Variants in UIMC1 observed in about 807,000 individuals in gnomAD.
UIMC1 encodes ubiquitin interaction motif containing 1, also known as BRCA1-A complex subunit RAP80.
In UIMC1, 42 loss-of-function variants were observed where a neutral mutation model predicts 84.9. The observed-to-expected ratio is 0.49, with a 90% CI of 0.39 to 0.64. The LOEUF (loss-of-function observed/expected upper bound fraction) is 0.64, where lower values mean the gene tolerates loss of function less well. UIMC1 is among the 30% of genes least tolerant of loss of function. The probability of loss-of-function intolerance (pLI) is 0.00; values close to 1 mark genes in which losing one functional copy is unlikely to be tolerated. For missense variants in UIMC1, 825 were observed against 847.6 expected, an observed-to-expected ratio of 0.97 and a Z score of 0.33; for synonymous variants, 281 against 293.0, an observed-to-expected ratio of 0.96 and a Z score of 0.42.
At chr5:176,931,249 T>C (rs1165740992) in intron 10 of UIMC1, among the ~76,000 whole-genome samples, 1 of 152,212 alleles carries the variant, frequency 6.6e-6, no homozygotes, top group African/African-American at 2.4e-5. Flanking sequence ...CTTGAACTTT[T>C]ATCTTTCTCG....
At position 177,018,355 on chromosome 5, in the gene UIMC1, A is replaced by AAAAAAAAAG. The variant is rs547542500; in HGVS notation, c.-9+4108_-9+4109insCTTTTTTTT. On this transcript the variant is annotated intron_variant, in intron 1 of 5. Transcript: ENST00000509236. ...ACAGAGTGAGACTCTGTCTCAAAAA[A>AAAAAAAAAG]AAAAGAAAAGAAAGAAAAACTAGAG... is the stretch of plus-strand genomic sequence containing the variant. Among the ~76,000 whole-genome samples the AAAAAAAAAG allele has an allele frequency of 8.2e-4, 124 of 151,990 alleles. 1 individual carries two copies. Among genetic ancestry groups the AAAAAAAAAG allele is most frequent in the African/African-American group, 2.1e-3 (85 of 41,452 alleles).
At chr5:176,947,557 G>A (rs960832835) in intron 9 of UIMC1, among the ~76,000 whole-genome samples, 5 of 152,084 alleles carry the variant, frequency 3.3e-5, no homozygotes, top group African/African-American at 7.2e-5. Flanking sequence ...GGTGGCTCAC[G>A]CCTGTAATCC....
At chr5:176,943,204 GA>G in intron 10 of UIMC1, 130 bp downstream of exon 10, 1 of 1,206,044 alleles carries the variant, frequency 8.3e-7, no homozygotes, top group South Asian at 1.9e-5. Flanking sequence ...TAACTAGATA[GA>G]AAAAACCCAA....
chr5:176,982,792 C>G (rs768230173), intron 1 of UIMC1, among the ~76,000 whole-genome samples, 169 bp from the exon 2 acceptor site: 3 of 152,306 alleles, frequency 2.0e-5, no homozygotes, highest in Non-Finnish European at 4.4e-5. Context: ...CGCTGCCTCC[C>G]AGGTTCAAGC....
At chr5:176,986,677 C>CA (rs1428700527) in intron 1 of UIMC1, among the ~76,000 whole-genome samples, 6 of 151,808 alleles carry the variant, frequency 4.0e-5, no homozygotes, top group Non-Finnish European at 8.8e-5. Flanking sequence ...CCTGTCTCTA[C>CA]AAAAAATTAA....
At chr5:176,979,225 T>C (rs1770631180) in intron 2 of UIMC1, among the ~76,000 whole-genome samples, 4 of 152,172 alleles carry the variant, frequency 2.6e-5, no homozygotes, top group Admixed American at 2.6e-4. Flanking sequence ...CAATACTTAG[T>C]TTTTCAAAAT....
intron 1 of UIMC1, among the ~76,000 whole-genome samples, chr5:177,017,164 C>G (rs1461782662): frequency 6.6e-6 from 1 of 152,236 alleles, no homozygotes; most frequent in Non-Finnish European, 1.5e-5. Flanking sequence ...AAGAGCACCC[C>G]TTCTGTTCTG....
chr5:176,956,376 T>C (rs1160584593), intron 7 of UIMC1, among the ~76,000 whole-genome samples: 1 of 152,240 alleles, frequency 6.6e-6, no homozygotes, highest in Non-Finnish European at 1.5e-5. Flanking sequence ...AGGTGTTTTA[T>C]AGCCTCCATC....
At chr5:176,997,871 T>C (rs1400124556) in intron 1 of UIMC1, among the ~76,000 whole-genome samples, 2 of 152,100 alleles carry the variant, frequency 1.3e-5, no homozygotes, top group African/African-American at 2.4e-5. Context: ...ATGAGGCCTC[T>C]ATACTTGCTT....
At chr5:176,956,493 C>A (rs1156882200) in intron 7 of UIMC1, among the ~76,000 whole-genome samples, 1 of 152,216 alleles carries the variant, frequency 6.6e-6, no homozygotes, top group African/African-American at 2.4e-5. Context: ...CTCTTTATCT[C>A]AAGATGTTGC....
intron 10 of UIMC1, among the ~76,000 whole-genome samples, chr5:176,933,265 CGAA>C (rs1327671675): frequency 1.3e-5 from 2 of 152,054 alleles, no homozygotes; most frequent in Non-Finnish European, 2.9e-5. Context: ...AATTCTTCTT[CGAA>C]GAAGAAATAT....
chr5:176,985,488 A>G (rs1348875442), intron 1 of UIMC1, among the ~76,000 whole-genome samples: 1 of 151,984 alleles, frequency 6.6e-6, no homozygotes, highest in Non-Finnish European at 1.5e-5. Flanking sequence ...ATATAAATAT[A>G]CAAATCTCAT....
chr5:176,916,688 T>A (rs1211500207), intron 10 of UIMC1, among the ~76,000 whole-genome samples: 2 of 152,222 alleles, frequency 1.3e-5, no homozygotes, highest in Admixed American at 6.5e-5. Flanking sequence ...TTATATAATT[T>A]TCATTATTCT....
intron 3 of UIMC1, among the ~76,000 whole-genome samples, chr5:176,971,391 G>A (rs950865400): frequency 6.6e-6 from 1 of 152,104 alleles, no homozygotes; most frequent in African/African-American, 2.4e-5. Flanking sequence ...AAATGGCTGG[G>A]TCCCAAGTCC....
At chr5:176,932,474 G>A (rs895368449) in intron 10 of UIMC1, among the ~76,000 whole-genome samples, 2 of 152,038 alleles carry the variant, frequency 1.3e-5, no homozygotes, top group Non-Finnish European at 2.9e-5. Flanking sequence ...GTAATACGGG[G>A]GGGCGGCAAA....
intron 8 of UIMC1, among the ~76,000 whole-genome samples, chr5:176,953,558 T>C (rs923330681): frequency 2.8e-5 from 4 of 142,530 alleles, no homozygotes; most frequent in Non-Finnish European, 4.5e-5. Flanking sequence ...TTACAGGACA[T>C]AAACTTCAAA....
rs148806688 is a variant in UIMC1, at chr5:176,935,840, T to C, written c.1597+7495A>G. ...CTCTGTTAACTCTCAGGCATATCTATAATAAGAATTCCTACCTCCTCCTAC... is the reference window on the plus strand; with the variant it reads ...CTCTGTTAACTCTCAGGCATATCTACAATAAGAATTCCTACCTCCTCCTAC... On this transcript the variant is annotated intron_variant, in intron 10 of 14. Coordinates refer to ENST00000511320, the MANE Select transcript of UIMC1 (RefSeq NM_001199298.2). Among the ~76,000 whole-genome samples, 55 of 152,302 alleles carry C rather than the reference T, an allele frequency of 3.6e-4. 1 individual carries two copies. The East Asian group carries it at 0.01, about 28-fold the overall frequency.
chr5:176,995,537 CAAAAAAAAAAAAA>C (rs57521139), intron 1 of UIMC1, among the ~76,000 whole-genome samples: 8 of 36,552 alleles, frequency 2.2e-4, no homozygotes, highest in Admixed American at 9.5e-4. Flanking sequence ...ACTCTGTCTC[CAAAAAAAAAAAAA>C]AAAAAAAAAA....
intron 1 of UIMC1, among the ~76,000 whole-genome samples, chr5:177,004,138 T>C (rs964205090): frequency 2.0e-5 from 3 of 152,280 alleles, no homozygotes; most frequent in African/African-American, 4.8e-5. Context: ...ATGCTCAAAT[T>C]TGATAGCAAA....
Sources: allele counts gnomAD v4.1 joint callset (sites outside exome capture counted in the v4.1 genomes callset), GRCh38; gene constraint gnomAD v4.1.1; transcripts MANE v1.5; gene names NCBI Gene and HGNC (gene_info 2026-07-23, HGNC 2026-07-21).